The following CCDC171 variants were observed in gnomAD, a reference collection of about 807,000 sequenced individuals.
CCDC171 encodes coiled-coil domain-containing protein 171.
In CCDC171, 177 loss-of-function variants were observed where a neutral mutation model predicts 168.2. That is an observed-to-expected ratio of 1.05 (90% CI 0.93 to 1.19). CCDC171 has a LOEUF of 1.19. CCDC171 is among the 50% of genes most tolerant of loss of function. CCDC171 has a pLI of 0.00. For synonymous variants in CCDC171, 687 were observed against 540.8 expected, an observed-to-expected ratio of 1.27 and a Z score of -3.75; for missense variants, 1,991 against 1,539.0, an observed-to-expected ratio of 1.29 and a Z score of -4.91.
At chr9:15,864,801 G>C (rs1403015991) in intron 23 of CCDC171, among the ~76,000 whole-genome samples, 1 of 152,070 alleles carries the variant, frequency 6.6e-6, no homozygotes, top group East Asian at 1.9e-4. Context: ...CTGCAGCTAA[G>C]AGTAAAAGTA....
intron 24 of CCDC171, among the ~76,000 whole-genome samples, chr9:15,877,426 G>A (rs371284211): frequency 4.6e-5 from 7 of 152,124 alleles, no homozygotes; most frequent in African/African-American, 1.7e-4. Flanking sequence ...CGTTATTTAA[G>A]ATCTTTTTTT....
chr9:15,603,231 G>A lies in CCDC171; in HGVS notation c.675+9059G>A, dbSNP rs184310914. Among the ~76,000 whole-genome samples, 7 of 152,226 alleles carry A rather than the reference G, an allele frequency of 4.6e-5. No homozygotes were observed. In the East Asian group the frequency reaches 1.2e-3, roughly 25 times the overall value. On this transcript the variant is annotated intron_variant, in intron 6 of 25. Coordinates refer to ENST00000380701, the MANE Select transcript of CCDC171 (RefSeq NM_173550.4). ...GATCTCCTGACCTTGTGATCTTCCC[G>A]CCTCAGCCTCCCAGAGTGCTGGGAT...
chr9:15,664,228 A>T (rs1587825066), intron 8 of CCDC171, among the ~76,000 whole-genome samples: 1 of 152,094 alleles, frequency 6.6e-6, no homozygotes, highest in East Asian at 1.9e-4. Flanking sequence ...ATATCCAGGT[A>T]ACAAAACTAC....
At chr9:15,899,288 T>C (rs928643533) in intron 24 of CCDC171, among the ~76,000 whole-genome samples, 1 of 152,236 alleles carries the variant, frequency 6.6e-6, no homozygotes, top group African/African-American at 2.4e-5. Context: ...CATATAAAGT[T>C]GCATTGAACA....
chr9:15,936,382 T>A (rs1827121912), intron 25 of CCDC171, among the ~76,000 whole-genome samples: 1 of 151,958 alleles, frequency 6.6e-6, no homozygotes, highest in Non-Finnish European at 1.5e-5. Context: ...ACATCCTGTG[T>A]TAGAGTTCTC....
chr9:15,916,573 C>A (rs185527751), intron 24 of CCDC171, among the ~76,000 whole-genome samples: 1 of 152,072 alleles, frequency 6.6e-6, no homozygotes, highest in East Asian at 1.9e-4. Context: ...CTCTTAATAT[C>A]AGTCCCCCAA....
At chr9:15,875,588 A>G (rs970587425) in intron 24 of CCDC171, 1 of 152,010 alleles carries the variant, frequency 6.6e-6, no homozygotes, top group African/African-American at 2.4e-5. Flanking sequence ...ATATCTCTTA[A>G]AACTTAGTGT....
chr9:15,588,345 C>A, intron 4 of CCDC171: 1 of 238,682 alleles, frequency 4.2e-6, no homozygotes, highest in Non-Finnish European at 8.8e-6. Flanking sequence ...GTCTTAGCAG[C>A]ATTACCACCA....
chr9:15,890,483 G>C (rs1162206641), intron 24 of CCDC171, among the ~76,000 whole-genome samples: 1 of 151,650 alleles, frequency 6.6e-6, no homozygotes, highest in Non-Finnish European at 1.5e-5. Context: ...AAGTCTATAG[G>C]ATGACTTTTA....
At chr9:15,981,643 G>C (rs533781539) in intron 3 of CCDC171, among the ~76,000 whole-genome samples, 1 of 152,254 alleles carries the variant, frequency 6.6e-6, no homozygotes, top group East Asian at 1.9e-4. Context: ...GTTCTTTTGT[G>C]GTTAGAAGTA....
intron 25 of CCDC171, among the ~76,000 whole-genome samples, chr9:15,964,968 G>A (rs952329539): frequency 1.3e-5 from 2 of 151,996 alleles, no homozygotes; most frequent in African/African-American, 4.8e-5. Flanking sequence ...TCACCATGTC[G>A]GTCAGGCTTG....
chr9:15,784,084 C>G (rs780538701), intron 20 of CCDC171, among the ~76,000 whole-genome samples: 2 of 152,064 alleles, frequency 1.3e-5, no homozygotes, highest in African/African-American at 2.4e-5. Context: ...TCATGTAAGA[C>G]CTGCCTAGGA....
intron 24 of CCDC171, among the ~76,000 whole-genome samples, chr9:15,908,597 T>G (rs1337429954): frequency 6.6e-6 from 1 of 152,198 alleles, no homozygotes; most frequent in South Asian, 2.1e-4. Context: ...ATGGCACATG[T>G]ATACATATGA....
At chr9:15,888,983 G>C (rs1413591589) in intron 24 of CCDC171, 1 of 102,372 alleles carries the variant, frequency 9.8e-6, no homozygotes, top group Non-Finnish European at 1.9e-5. Context: ...TTTGAGACAG[G>C]GTCTTACTTC....
At chr9:15,945,005 A>G (rs1409748169) in intron 25 of CCDC171, among the ~76,000 whole-genome samples, 1 of 151,948 alleles carries the variant, frequency 6.6e-6, no homozygotes, top group Non-Finnish European at 1.5e-5. Flanking sequence ...AGCATTAGGT[A>G]TATCTCCCAA....
chr9:15,727,152 A>T (rs76483438), intron 14 of CCDC171, among the ~76,000 whole-genome samples: 1 of 150,970 alleles, frequency 6.6e-6, no homozygotes, highest in African/African-American at 2.4e-5. Context: ...AGCTATATCC[A>T]TTTTTTTTTG....
chr9:16,084,571 A>G, the CCDC171 span, among the ~76,000 whole-genome samples: 1 of 152,192 alleles, frequency 6.6e-6, no homozygotes, highest in African/African-American at 2.4e-5. Flanking sequence ...AGAGAGCTAG[A>G]AAGTATACTA....
At chr9:15,610,444 TAAAAAAAAAAAAAAAAAAAA>T (rs754593075) in intron 6 of CCDC171, among the ~76,000 whole-genome samples, 332 of 12,730 alleles carry the variant, frequency 0.026, 6 homozygotes, top group Admixed American at 0.045. Context: ...CCATCTCAAC[TAAAAAAAAAAAAAAAAAAAA>T]AAAAAAAAAA....
In CCDC171 at chr9:15,990,875, G is replaced by A. The variant is rs757792784; in HGVS notation, n.369-29714G>A. Reference sequence around the variant, plus strand: ...GGGATCAATTCAACAAGAAGAGCTAGGTATCCTAAATATATATGCACCCAA... The same window carrying A: ...GGGATCAATTCAACAAGAAGAGCTAAGTATCCTAAATATATATGCACCCAA... On this transcript the variant is annotated intron_variant and non_coding_transcript_variant, in intron 3 of 9. Coordinates refer to the CCDC171 transcript ENST00000486641. 1.1e-4 allele frequency among the ~76,000 whole-genome samples: 16 copies of A among 152,176 alleles called. No individual in the cohort carries two copies. The South Asian group carries it at 2.1e-3, about 20-fold the overall frequency.
Sources: gnomAD v4.1 joint callset for allele counts (sites outside exome capture counted in the v4.1 genomes callset) on GRCh38, gnomAD v4.1.1 for gene constraint, MANE v1.5 for transcripts, NCBI Gene and HGNC (gene_info 2026-07-23, HGNC 2026-07-21) for gene names.